CSMD1: variants seen among roughly 807,000 people sequenced by gnomAD.
The protein encoded by CSMD1 is CUB and sushi domain-containing protein 1.
A neutral mutation model predicts 417.5 loss-of-function variants in CSMD1; 213 were observed. That is an observed-to-expected ratio of 0.51 (90% CI 0.46 to 0.57). The LOEUF is 0.57. CSMD1 is among the 20% of genes least tolerant of loss of function. The pLI is 0.00. For synonymous variants in CSMD1, 2,862 were observed against 1,736.8 expected (o/e 1.65, Z -16.11); for missense variants, 6,923 against 4,529.7 (o/e 1.53, Z -15.17).
intron 5 of CSMD1, among the ~76,000 whole-genome samples, chr8:3,775,146 A>G (rs1798831490): frequency 6.6e-6 from 1 of 152,254 alleles, no homozygotes; most frequent in South Asian, 2.1e-4. Flanking sequence ...ACTGCAGATA[A>G]GGAGGAACTA....
intron 3 of CSMD1, among the ~76,000 whole-genome samples, chr8:4,346,145 C>G (rs1157694187): frequency 1.3e-5 from 2 of 152,144 alleles, no homozygotes; most frequent in Non-Finnish European, 2.9e-5. Flanking sequence ...ACTCCAAACT[C>G]TCCATGCTGG....
chr8:4,413,149 G>T (rs1021971460), intron 3 of CSMD1, among the ~76,000 whole-genome samples: 1 of 152,176 alleles, frequency 6.6e-6, no homozygotes, highest in African/African-American at 2.4e-5. Context: ...CAGTCTCACA[G>T]TGGACCAGAA....
intron 10 of CSMD1, among the ~76,000 whole-genome samples, chr8:3,552,733 T>A (rs1798972007): frequency 6.6e-6 from 1 of 152,218 alleles, no homozygotes; most frequent in Non-Finnish European, 1.5e-5. Flanking sequence ...ACGTAAAGTA[T>A]GCTTTTAGTT....
intron 11 of CSMD1, among the ~76,000 whole-genome samples, chr8:3,475,645 C>T (rs1206360489): frequency 3.3e-5 from 5 of 152,136 alleles, no homozygotes; most frequent in Non-Finnish European, 5.9e-5. Flanking sequence ...TGATCTTTTG[C>T]ACAGATTTCA....
chr8:3,778,331 G>C (rs1390346530), intron 5 of CSMD1, among the ~76,000 whole-genome samples: 2 of 152,138 alleles, frequency 1.3e-5, no homozygotes, highest in South Asian at 2.1e-4. Flanking sequence ...TCCCCAATTA[G>C]GGAAACCTGT....
intron 6 of CSMD1, among the ~76,000 whole-genome samples, chr8:3,717,467 A>G (rs1417672693): frequency 3.3e-5 from 5 of 152,078 alleles, no homozygotes; most frequent in African/African-American, 1.2e-4. Flanking sequence ...ATTCATGAAG[A>G]TATTGTTGTA....
chr8:4,544,133 C>T (rs765938711), intron 2 of CSMD1, among the ~76,000 whole-genome samples: 169 of 152,254 alleles, frequency 1.1e-3, no homozygotes, highest in Non-Finnish European at 1.2e-3. Flanking sequence ...TAAAGTCCAA[C>T]TTAAATGATT....
intron 3 of CSMD1, among the ~76,000 whole-genome samples, chr8:4,397,558 G>A (rs969183187): frequency 8.1e-5 from 10 of 122,824 alleles, no homozygotes; most frequent in South Asian, 5.1e-4. Context: ...TTTTTGAGAC[G>A]GAATCTTGCT....
intron 3 of CSMD1, among the ~76,000 whole-genome samples, chr8:4,236,602 T>G (rs1802079082): frequency 6.6e-6 from 1 of 152,304 alleles, no homozygotes; most frequent in Non-Finnish European, 1.5e-5. Context: ...AATTTAAGCT[T>G]AGGTTCTAAA....
chr8:4,020,291 G>C (rs751457539), intron 4 of CSMD1, among the ~76,000 whole-genome samples: 9 of 152,222 alleles, frequency 5.9e-5, no homozygotes, highest in Non-Finnish European at 1.3e-4. Context: ...GACCAGTGCA[G>C]AGCTGCTGAA....
chr8:4,872,401 C>T (rs1802787198), intron 1 of CSMD1, among the ~76,000 whole-genome samples: 1 of 152,018 alleles, frequency 6.6e-6, no homozygotes, highest in Middle Eastern at 3.2e-3. Context: ...CCTGATGCTG[C>T]TCTCATGATA....
At chr8:3,534,574 T>A (rs919928844) in intron 10 of CSMD1, among the ~76,000 whole-genome samples, 1 of 149,498 alleles carries the variant, frequency 6.7e-6, no homozygotes, top group South Asian at 2.1e-4. Context: ...TCATTTACTT[T>A]CAGTGACTGA....
rs146193170 is a variant in CSMD1 at position 3,893,078 on chromosome 8, C to G, written c.818+104825G>C. The stretch of plus-strand genomic sequence containing the variant: ...TTTGACCAAGTATGCTGGAGAAATG[C>G]TGGAATTAGCTTTCTATTATCTCTG... On this transcript the variant is annotated intron_variant, in intron 5 of 69. Transcript: ENST00000635120. 4.7e-4 allele frequency among the ~76,000 whole-genome samples: 72 copies of G among 151,712 alleles called. No individual in the cohort carries two copies. The East Asian group carries it at 0.014, about 29-fold the overall frequency.
At chr8:4,469,033 A>C (rs543029995) in intron 2 of CSMD1, among the ~76,000 whole-genome samples, 2 of 152,218 alleles carry the variant, frequency 1.3e-5, no homozygotes, top group Non-Finnish European at 2.9e-5. Flanking sequence ...AGACAATGCT[A>C]TACTCTCTAA....
At chr8:3,017,744 T>A (rs1296967360) in intron 52 of CSMD1, among the ~76,000 whole-genome samples, 1 of 146,124 alleles carries the variant, frequency 6.8e-6, no homozygotes, top group Non-Finnish European at 1.5e-5. Flanking sequence ...GTTCCTGAAG[T>A]GATCTTTGCC....
At chr8:3,986,094 G>A (rs779035457) in intron 5 of CSMD1, among the ~76,000 whole-genome samples, 5 of 151,894 alleles carry the variant, frequency 3.3e-5, no homozygotes, top group Admixed American at 1.3e-4. Context: ...GATCTCGTTC[G>A]TATCTGGGAG....
At chr8:4,920,497 G>T (rs952137718) in intron 1 of CSMD1, among the ~76,000 whole-genome samples, 1 of 152,092 alleles carries the variant, frequency 6.6e-6, no homozygotes, top group African/African-American at 2.4e-5. Flanking sequence ...AGGAATCAAG[G>T]ATTTAGTTAC....
intron 50 of CSMD1, among the ~76,000 whole-genome samples, chr8:3,037,277 C>T (rs1434286443): frequency 6.8e-6 from 1 of 146,138 alleles, no homozygotes; most frequent in Non-Finnish European, 1.5e-5. Flanking sequence ...GGGATCTCGG[C>T]TCACTGCAAG....
chr8:4,402,467 G>T (rs1291443839), intron 3 of CSMD1, among the ~76,000 whole-genome samples: 1 of 152,092 alleles, frequency 6.6e-6, no homozygotes, highest in East Asian at 1.9e-4. Context: ...AAGCTTCCTG[G>T]TCTCTCTGTA....
Sources: allele counts gnomAD v4.1 joint callset (sites outside exome capture counted in the v4.1 genomes callset), GRCh38; gene constraint gnomAD v4.1.1; transcripts MANE v1.5; gene names NCBI Gene and HGNC (gene_info 2026-07-23, HGNC 2026-07-21).